EMP2: variants seen among roughly 807,000 people sequenced by gnomAD.
EMP2 encodes epithelial membrane protein 2.
A neutral mutation model predicts 13.7 loss-of-function variants in EMP2; 19 were observed. The observed-to-expected ratio is 1.38, with a 90% CI of 0.97 to 2.03. The LOEUF is 2.03. EMP2 is among the 30% of genes most tolerant of loss of function. EMP2 has a pLI of 0.00. For synonymous variants in EMP2, 97 were observed against 84.7 expected (o/e 1.15, Z -0.80); for missense variants, 253 against 220.7 (o/e 1.15, Z -0.93).
chr16:10,545,824 T>C (rs9927221), intron 2 of EMP2: 14,283 of 151,854 alleles, frequency 0.094, 1,411 homozygotes, highest in African/African-American at 0.25. Context: ...TGAAACCGGT[T>C]CCTGGTGCCA....
At chr16:10,533,359 G>C (rs149825235) in intron 4 of EMP2, among the ~76,000 whole-genome samples, 80 of 152,240 alleles carry the variant, frequency 5.3e-4, no homozygotes, top group Admixed American at 3.6e-3. Context: ...TTATTAATAG[G>C]TATTTATTTT....
chr16:10,538,870 T>C (rs141014432), intron 3 of EMP2, among the ~76,000 whole-genome samples: 1,575 of 152,218 alleles, frequency 0.01, 22 homozygotes, highest in African/African-American at 0.036. Context: ...GGCTGGAGTG[T>C]AGTGGCACAA....
intron 1 of EMP2, among the ~76,000 whole-genome samples, chr16:10,553,265 G>T (rs933252793): frequency 2.0e-5 from 3 of 152,188 alleles, no homozygotes; most frequent in African/African-American, 7.2e-5. Flanking sequence ...AGGCAACCAC[G>T]CTTCTCAGTT....
intron 1 of EMP2, among the ~76,000 whole-genome samples, chr16:10,559,476 G>A (rs1030645067): frequency 1.3e-4 from 20 of 152,218 alleles, no homozygotes; most frequent in African/African-American, 4.6e-4. Flanking sequence ...GTGCCCCAGG[G>A]CAGAAGCCAC....
intron 3 of EMP2, among the ~76,000 whole-genome samples, chr16:10,541,781 G>C (rs1393657675): frequency 2.0e-5 from 3 of 152,114 alleles, no homozygotes; most frequent in Non-Finnish European, 2.9e-5. Flanking sequence ...GCCATCATTC[G>C]CTCCTGGCTA....
At chr16:10,537,407 G>A (rs1332636993) in intron 4 of EMP2, among the ~76,000 whole-genome samples, 1 of 152,142 alleles carries the variant, frequency 6.6e-6, no homozygotes, top group Non-Finnish European at 1.5e-5. Flanking sequence ...CCACCAGCTT[G>A]AAACCTGTTG....
intron 1 of EMP2, among the ~76,000 whole-genome samples, chr16:10,575,073 G>C (rs2050972916): frequency 6.6e-6 from 1 of 151,680 alleles, no homozygotes. Flanking sequence ...CTCTCTCACT[G>C]TTCCTTGTTG....
At chr16:10,541,867 T>C (rs1039688462) in intron 3 of EMP2, among the ~76,000 whole-genome samples, 1 of 152,176 alleles carries the variant, frequency 6.6e-6, no homozygotes, top group African/African-American at 2.4e-5. Context: ...CCCTGCCTGA[T>C]GGGGCTATGA....
intron 1 of EMP2, among the ~76,000 whole-genome samples, chr16:10,549,727 ACT>A (rs1247799221): frequency 0.016 from 1,171 of 72,140 alleles, 11 homozygotes; most frequent in African/African-American, 0.065. Flanking sequence ...ACACACACAC[ACT>A]CACACACACA....
intron 1 of EMP2, among the ~76,000 whole-genome samples, chr16:10,573,087 T>A (rs2050958869): frequency 6.6e-6 from 1 of 152,208 alleles, no homozygotes; most frequent in African/African-American, 2.4e-5. Context: ...TCTTGCTCTG[T>A]CACCCAGGCT....
chr16:10,577,487 G>A (rs2050991530), intron 1 of EMP2, among the ~76,000 whole-genome samples: 1 of 152,126 alleles, frequency 6.6e-6, no homozygotes, highest in Non-Finnish European at 1.5e-5. Flanking sequence ...TGCATTCTTT[G>A]GCTAACTTCT....
At chr16:10,533,946 C>T (rs549630771) in intron 4 of EMP2, among the ~76,000 whole-genome samples, 1 of 151,566 alleles carries the variant, frequency 6.6e-6, no homozygotes, top group East Asian at 1.9e-4. Flanking sequence ...AAACCCCGTC[C>T]CTACTAAAAA....
At position 10,529,813 on chromosome 16, in the gene EMP2, C is replaced by T. The variant is rs192917168; in HGVS notation, c.*3092G>A. On this transcript the variant is annotated 3_prime_UTR_variant, in exon 5 of 5. Transcript: ENST00000359543. ...GGGCATGGTGGGACATGCCTGTAAT[C>T]CCAGCTACTCGGGAGGCTGAGGCAG... 1 of 151,982 alleles carries T rather than the reference C, an allele frequency of 6.6e-6. No individual in the cohort carries two copies. Among genetic ancestry groups the T allele is most frequent in the Non-Finnish European group, 1.5e-5 (1 of 68,032 alleles). The allele number at this position is 151,982 out of a possible 1,614,324, so 9.4% of individuals were successfully genotyped here.
rs1042267342 is a variant in EMP2 at position 10,529,186 on chromosome 16, A to G, written c.*3719T>C. The G allele has an allele frequency of 4.6e-5, 7 of 152,224 alleles. No homozygotes were observed. The highest frequency in any genetic ancestry group is 1.4e-4 in the African/African-American group (6 of 41,468). 9.4% of individuals were successfully genotyped at this position (152,224 alleles called of 1,614,324 possible). On this transcript the variant is annotated 3_prime_UTR_variant, in exon 5 of 5. Coordinates refer to ENST00000359543, the MANE Select transcript of EMP2 (RefSeq NM_001424.6). ...CAGTACTTTATAAAAATGTCATAAA[A>G]TGCGCAAACTACAGTTCCTTCAAAT...
In EMP2 at chr16:10,538,006, A is replaced by T; in HGVS notation, c.238T>A (p.Phe80Ile). The T allele has an allele frequency of 1.2e-6, 2 of 1,614,126 alleles. No homozygotes were observed. The highest frequency in any genetic ancestry group is 1.7e-6 in the Non-Finnish European group (2 of 1,180,010). The change falls in exon 4 of 5, where the codon TTC becomes ATC. Residue 80 changes from phenylalanine to isoleucine, a missense_variant. Coordinates refer to ENST00000359543, the MANE Select transcript of EMP2 (RefSeq NM_001424.6). ...CGGAAGAGCTGGAGCACGAAGATGA[A>T]GAAGGCGATGCAGCAGAGAATGGTG... is the stretch of plus-strand genomic sequence containing the variant. ...LSTILCCIAF[F>I]IFVLQLFRLK...
chr16:10,550,814 A>C (rs562303999), intron 1 of EMP2, among the ~76,000 whole-genome samples: 1 of 152,214 alleles, frequency 6.6e-6, no homozygotes, highest in South Asian at 2.1e-4. Context: ...GTCTCTACTA[A>C]AAACACAAAA....
At chr16:10,569,717 TAC>T (rs1204448496) in intron 1 of EMP2, among the ~76,000 whole-genome samples, 1 of 152,196 alleles carries the variant, frequency 6.6e-6, no homozygotes, top group Non-Finnish European at 1.5e-5. Context: ...ACGAGCATAA[TAC>T]AGTCTTTAAC....
intron 1 of EMP2, among the ~76,000 whole-genome samples, chr16:10,573,494 T>G (rs2050961810): frequency 6.6e-6 from 1 of 152,174 alleles, no homozygotes; most frequent in Non-Finnish European, 1.5e-5. Context: ...TCTCTGGATT[T>G]TCAAAACAGT....
In EMP2 at chr16:10,532,984, G is replaced by C. The variant is rs2050619420; in HGVS notation, c.425C>G (p.Ser142Cys). The change falls in exon 5 of 5, where the codon TCC (serine) becomes TGC (cysteine). Residue 142 changes from serine to cysteine, a missense_variant. Physicochemically the swap from Ser to Cys is moderately radical, Grantham distance 112 (BLOSUM62 -1). Coordinates refer to ENST00000359543, the MANE Select transcript of EMP2 (RefSeq NM_001424.6). ...GAAGGCCACCCACGCCAGGATGTAGGAGTAGCCGTAGCTGCCTTCTCTGGT... is the reference window on the plus strand; with the variant it reads ...GAAGGCCACCCACGCCAGGATGTAGCAGTAGCCGTAGCTGCCTTCTCTGGT... ...PVTREGSYGY[S>C]YILAWVAFAC... The C allele has an allele frequency of 1.2e-6, 2 of 1,611,986 alleles. No individual in the cohort carries two copies. The highest frequency in any genetic ancestry group is 1.3e-5 in the African/African-American group (1 of 74,950).
Sources: gnomAD v4.1 joint callset for allele counts (sites outside exome capture counted in the v4.1 genomes callset) on GRCh38, gnomAD v4.1.1 for gene constraint, MANE v1.5 for transcripts, NCBI Gene and HGNC (gene_info 2026-07-23, HGNC 2026-07-21) for gene names.